Variants in MECOM observed in about 807,000 individuals in gnomAD.
MECOM encodes histone-lysine N-methyltransferase MECOM.
In MECOM, 13 loss-of-function variants were observed where a neutral mutation model predicts 116.3. The ratio of observed to expected loss-of-function variants is 0.11; its 90% CI spans 0.07 to 0.18. MECOM has a LOEUF of 0.18. Ranked by LOEUF, MECOM falls within the 10% of genes least tolerant of loss-of-function variation. MECOM has a pLI of 1.00. For synonymous variants in MECOM, 528 were observed against 535.2 expected (o/e 0.99, Z 0.19); for missense variants, 1,299 against 1,509.0 (o/e 0.86, Z 2.31).
chr3:169,225,941 G>A (rs561605302), intron 2 of MECOM, among the ~76,000 whole-genome samples: 8 of 152,300 alleles, frequency 5.3e-5, no homozygotes, highest in East Asian at 1.9e-4. Context: ...AGACTGGTGC[G>A]GGAAATAAGC....
intron 2 of MECOM, among the ~76,000 whole-genome samples, chr3:169,152,109 T>C (rs1163073147): frequency 1.3e-5 from 2 of 152,174 alleles, no homozygotes; most frequent in African/African-American, 4.8e-5. Context: ...ACAGATCCAG[T>C]GAAACAGTCC....
chr3:169,305,710 G>A lies in MECOM; in HGVS notation c.375+75477C>T, dbSNP rs1717559843. Among the ~76,000 whole-genome samples the A allele has an allele frequency of 2.0e-5, 3 of 152,180 alleles. No homozygotes were observed. The South Asian group carries it at 6.2e-4, about 32-fold the overall frequency. ...TTTCATGCCACACCTTTCAGTGGAG[G>A]TCATCTTTCAAGTCATTAAATAATC... On this transcript the variant is annotated intron_variant, in intron 2 of 16. Coordinates refer to ENST00000651503, the MANE Select transcript of MECOM (RefSeq NM_004991.4).
At chr3:169,427,508 CT>C (rs1400085949) in intron 1 of MECOM, among the ~76,000 whole-genome samples, 2 of 152,096 alleles carry the variant, frequency 1.3e-5, no homozygotes, top group African/African-American at 4.8e-5. Flanking sequence ...AATAATAGGG[CT>C]TTATCTTGTC....
At chr3:169,281,211 G>A (rs550883372) in intron 2 of MECOM, among the ~76,000 whole-genome samples, 56 of 152,290 alleles carry the variant, frequency 3.7e-4, no homozygotes, top group Non-Finnish European at 6.3e-4. Context: ...CGGATTCTGC[G>A]TTTAATCAAG....
chr3:169,345,765 T>C (rs1051757318), intron 2 of MECOM, among the ~76,000 whole-genome samples: 4 of 152,100 alleles, frequency 2.6e-5, no homozygotes, highest in African/African-American at 4.8e-5. Flanking sequence ...ACAAAATTAA[T>C]AGACAGTTTG....
chr3:169,132,909 C>T (rs1735208419), intron 3 of MECOM, among the ~76,000 whole-genome samples: 1 of 151,800 alleles, frequency 6.6e-6, no homozygotes, highest in African/African-American at 2.4e-5. Flanking sequence ...TGCAACACCA[C>T]ACCCAGCTAA....
chr3:169,511,694 A>G (rs1042683476), intron 1 of MECOM, among the ~76,000 whole-genome samples: 5 of 151,954 alleles, frequency 3.3e-5, no homozygotes, highest in African/African-American at 1.2e-4. Flanking sequence ...GCTTGAACCC[A>G]GGAGGCGGAG....
intron 1 of MECOM, among the ~76,000 whole-genome samples, chr3:169,535,060 A>G (rs550136903): frequency 6.6e-6 from 1 of 152,304 alleles, no homozygotes; most frequent in East Asian, 1.9e-4. Context: ...GAGCTGGAGA[A>G]GCCACAGACA....
At chr3:169,425,502 G>A (rs965771838) in intron 1 of MECOM, among the ~76,000 whole-genome samples, 1 of 152,106 alleles carries the variant, frequency 6.6e-6, no homozygotes, top group Non-Finnish European at 1.5e-5. Flanking sequence ...CTAATAAAGA[G>A]ACAACTCTAT....
At chr3:169,377,433 G>A (rs1303323993) in intron 2 of MECOM, among the ~76,000 whole-genome samples, 3 of 151,918 alleles carry the variant, frequency 2.0e-5, no homozygotes, top group Non-Finnish European at 4.4e-5. Flanking sequence ...TCTGACAAAG[G>A]GTAATGTCCC....
chr3:169,104,773 T>C (rs1488488017), intron 10 of MECOM, among the ~76,000 whole-genome samples: 1 of 152,152 alleles, frequency 6.6e-6, no homozygotes, highest in Non-Finnish European at 1.5e-5. Context: ...TGAGAGCAAT[T>C]GGCTGTTGAG....
At chr3:169,547,127 G>A (rs1213011443) in intron 1 of MECOM, among the ~76,000 whole-genome samples, 2 of 152,164 alleles carry the variant, frequency 1.3e-5, no homozygotes, top group Admixed American at 6.5e-5. Context: ...GTTGGGAGGT[G>A]ATTGGATCAT....
chr3:169,338,609 G>A (rs1723975336), intron 2 of MECOM, among the ~76,000 whole-genome samples: 1 of 151,608 alleles, frequency 6.6e-6, no homozygotes, highest in South Asian at 2.1e-4. Context: ...GGGTGTGTGT[G>A]TGTGTGTGTG....
At chr3:169,651,313 A>G (rs1774883955) in intron 1 of MECOM, among the ~76,000 whole-genome samples, 1 of 152,170 alleles carries the variant, frequency 6.6e-6, no homozygotes, top group Non-Finnish European at 1.5e-5. Context: ...AGTGTATCAT[A>G]TTTATTGACT....
rs762099223 is a variant in MECOM at position 169,115,809 on chromosome 3, G to A, written c.2063C>T (p.Ala688Val). 2.5e-6 allele frequency: 4 copies of A among 1,614,066 alleles called. No individual in the cohort carries two copies. In the Admixed American group the frequency reaches 5.0e-5, roughly 20 times the overall value. Reference sequence around the variant, plus strand: ...GGGAAACATGGAAGGGTAAGGTAAAGCTCCAACTTTTTTGTCTTGCAGCCC... The same window carrying A: ...GGGAAACATGGAAGGGTAAGGTAAAACTCCAACTTTTTTGTCTTGCAGCCC... ...LVGLQDKKVG[A>V]LPYPSMFPLP... is the part of the protein sequence containing the mutation. The change falls in exon 8 of 17, where the codon GCT becomes GTT. Residue 688 changes from alanine (A) to valine (V), a missense_variant. Coordinates refer to ENST00000651503, the MANE Select transcript of MECOM (RefSeq NM_004991.4).
chr3:169,421,700 C>A (rs890737678), intron 1 of MECOM, among the ~76,000 whole-genome samples: 47 of 149,952 alleles, frequency 3.1e-4, no homozygotes, highest in Middle Eastern at 3.5e-3. Flanking sequence ...AAAAAAAAAA[C>A]AAAACGATTT....
rs186640233 is a variant in MECOM at position 169,635,528 on chromosome 3, A to G, written c.37+27808T>C. Among the ~76,000 whole-genome samples, 376 of 152,352 alleles carry G rather than the reference A, an allele frequency of 2.5e-3. 5 individuals carry two copies. The South Asian group carries it at 0.031, about 12-fold the overall frequency. On this transcript the variant is annotated intron_variant, in intron 1 of 16. Transcript: ENST00000651503. ...TCTCCCCATTTCCTGGACATATCTC[A>G]TAATTCTCTGACTCAGCTCACATAG...
At chr3:169,235,143 A>G (rs1222939746) in intron 2 of MECOM, among the ~76,000 whole-genome samples, 1 of 152,188 alleles carries the variant, frequency 6.6e-6, no homozygotes, top group Non-Finnish European at 1.5e-5. Flanking sequence ...CTAAACTCTT[A>G]TTGACTTGCC....
intron 4 of MECOM, among the ~76,000 whole-genome samples, chr3:169,128,303 C>G (rs894556781): frequency 6.6e-6 from 1 of 152,148 alleles, no homozygotes; most frequent in Non-Finnish European, 1.5e-5. Context: ...TTTGACTAAA[C>G]CTTTTCAGGT....
Sources: allele counts gnomAD v4.1 joint callset (sites outside exome capture counted in the v4.1 genomes callset), GRCh38; gene constraint gnomAD v4.1.1; transcripts MANE v1.5; gene names NCBI Gene and HGNC (gene_info 2026-07-23, HGNC 2026-07-21).